The following SLC25A26 variants were observed in gnomAD, a reference collection of about 807,000 sequenced individuals.
SLC25A26 encodes solute carrier family 25 member 26, also known as mitochondrial S-adenosylmethionine carrier protein.
Under a neutral mutation model 37.8 loss-of-function variants are expected in SLC25A26, and 36 were observed. The observed-to-expected ratio is 0.95, with a 90% CI of 0.73 to 1.26. SLC25A26 has a LOEUF of 1.26. SLC25A26 is among the 50% of genes most tolerant of loss of function. The pLI is 0.00. For synonymous variants in SLC25A26, 129 were observed against 122.5 expected (o/e 1.05, Z -0.35); for missense variants, 390 against 331.1 (o/e 1.18, Z -1.38).
At chr3:66,202,663 C>G (rs1025031103) in intron 1 of SLC25A26, among the ~76,000 whole-genome samples, 2 of 151,916 alleles carry the variant, frequency 1.3e-5, no homozygotes, top group African/African-American at 2.4e-5. Flanking sequence ...TCCCACACAT[C>G]TTGGAATAAT....
At chr3:66,178,340 G>T (rs184570154) in intron 1 of SLC25A26, among the ~76,000 whole-genome samples, 1 of 152,278 alleles carries the variant, frequency 6.6e-6, no homozygotes, top group Admixed American at 6.5e-5. Context: ...GTGTGGGGAA[G>T]TCAGTGCCCT....
chr3:66,279,833 C>T (rs1044533979), intron 5 of SLC25A26, among the ~76,000 whole-genome samples: 1 of 152,154 alleles, frequency 6.6e-6, no homozygotes, highest in African/African-American at 2.4e-5. Context: ...TATTGTAAGT[C>T]TTTCCTATTA....
At chr3:66,160,520 C>T (rs1372860006) in intron 1 of SLC25A26, among the ~76,000 whole-genome samples, 1 of 152,200 alleles carries the variant, frequency 6.6e-6, no homozygotes, top group Admixed American at 6.5e-5. Context: ...TGCATCTATT[C>T]CCAATACACC....
At chr3:66,369,847 C>A (rs1700253162) in intron 8 of SLC25A26, among the ~76,000 whole-genome samples, 1 of 152,220 alleles carries the variant, frequency 6.6e-6, no homozygotes, top group African/African-American at 2.4e-5. Flanking sequence ...TGACGAGCCT[C>A]CTGCTATGTG....
intron 1 of SLC25A26, among the ~76,000 whole-genome samples, chr3:66,178,812 T>C (rs1576615580): frequency 6.6e-6 from 1 of 152,166 alleles, no homozygotes; most frequent in African/African-American, 2.4e-5. Context: ...TTCAAGAAAG[T>C]ATAATGCAGA....
intron 5 of SLC25A26, among the ~76,000 whole-genome samples, chr3:66,295,049 A>T (rs2074851362): frequency 1.3e-5 from 2 of 152,252 alleles, no homozygotes; most frequent in South Asian, 4.1e-4. Flanking sequence ...GGTTGGATAC[A>T]GAATAAAAAA....
chr3:66,279,355 AC>A lies in SLC25A26; in HGVS notation c.453+15978del, dbSNP rs1433343019. Among the ~76,000 whole-genome samples the A allele has an allele frequency of 6.6e-5, 10 of 152,250 alleles. No homozygotes were observed. The South Asian group carries it at 1.4e-3, about 22-fold the overall frequency. ...AAGGCCGCATAGCATAGTGGTTCAG[AC>A]CAGGGCTTTGTGGTCAGGCAGCCCA... On this transcript the variant is annotated intron_variant, in intron 5 of 9. Coordinates refer to ENST00000354883, the MANE Select transcript of SLC25A26 (RefSeq NM_001379210.1).
chr3:66,134,834 T>TA (rs1225209690), intron 1 of SLC25A26, among the ~76,000 whole-genome samples: 2 of 151,926 alleles, frequency 1.3e-5, no homozygotes, highest in Non-Finnish European at 2.9e-5. Context: ...CCTTTATTTT[T>TA]TTTTTTATTT....
rs2072120008 is a variant in SLC25A26 at position 66,233,312 on chromosome 3, A to G, written c.34-3232A>G. Among the ~76,000 whole-genome samples, 3 of 152,308 alleles carry G rather than the reference A, an allele frequency of 2.0e-5. No individual in the cohort carries two copies. The South Asian group carries it at 6.2e-4, about 32-fold the overall frequency. ...TTATTAACTTAAGGTAGAGACATGT[A>G]TTTTATCTATAAGATATTGAGGTCT... is the stretch of plus-strand genomic sequence containing the variant. On this transcript the variant is annotated intron_variant, in intron 1 of 9. Coordinates refer to ENST00000354883, the MANE Select transcript of SLC25A26 (RefSeq NM_001379210.1).
In SLC25A26 at chr3:66,206,915, T is replaced by A. The variant is rs1240738376; in HGVS notation, c.-353-13827T>A. ...CTTTCTTTTTTTTTTTTTTTTTTTTTAACACGGAGTTTTGCCATGTTGCCT... is the reference window on the plus strand; with the variant it reads ...CTTTCTTTTTTTTTTTTTTTTTTTTAAACACGGAGTTTTGCCATGTTGCCT... On this transcript the variant is annotated intron_variant, in intron 1 of 10. Coordinates refer to the SLC25A26 transcript ENST00000676754. Among the ~76,000 whole-genome samples, 8 of 146,204 alleles carry A rather than the reference T, an allele frequency of 5.5e-5. 1 individual carries two copies. In the East Asian group the frequency reaches 5.9e-4, roughly 11 times the overall value.
At chr3:66,198,482 C>T (rs1375130031) in intron 1 of SLC25A26, among the ~76,000 whole-genome samples, 1 of 151,976 alleles carries the variant, frequency 6.6e-6, no homozygotes, top group Non-Finnish European at 1.5e-5. Context: ...TAGAATTTTG[C>T]CCTCATGCTG....
chr3:66,152,093 GT>G (rs1290075345), intron 1 of SLC25A26, among the ~76,000 whole-genome samples: 1 of 152,174 alleles, frequency 6.6e-6, no homozygotes, highest in East Asian at 1.9e-4. Flanking sequence ...ACCTAGCCCA[GT>G]GCTTGAGAGA....
In SLC25A26 at chr3:66,352,428, G is replaced by GTTTTTTT. The variant is rs1242977476; in HGVS notation, c.498+6026_498+6027insTTTTTTT. Among the ~76,000 whole-genome samples, 152 of 126,570 alleles carry GTTTTTTT rather than the reference G, an allele frequency of 1.2e-3. 3 individuals are homozygous for GTTTTTTT. The highest frequency in any genetic ancestry group is 5.1e-3 in the African/African-American group (147 of 29,032). 83.0% of individuals were successfully genotyped at this position (126,570 alleles called of 152,430 possible). A position where few individuals can be genotyped will look rare whatever the true frequency, so the allele number is the denominator to read the frequency against. ...TGCCTAGCGCCTCCCCTCGTTTTTT[G>GTTTTTTT]TTTTTTGTTTTTTGTTTTTTTTTTT... On this transcript the variant is annotated intron_variant, in intron 6 of 9. Coordinates refer to ENST00000354883, the MANE Select transcript of SLC25A26 (RefSeq NM_001379210.1).
At chr3:66,152,634 G>A (rs76563499) in intron 1 of SLC25A26, among the ~76,000 whole-genome samples, 13,943 of 150,750 alleles carry the variant, frequency 0.092, 823 homozygotes, top group Middle Eastern at 0.17. Context: ...TCCCCCAGCC[G>A]TCAAGAAAAG....
intron 5 of SLC25A26, among the ~76,000 whole-genome samples, chr3:66,334,897 T>G (rs1469243103): frequency 2.0e-5 from 3 of 152,190 alleles, no homozygotes; most frequent in African/African-American, 4.8e-5. Flanking sequence ...TTTAATTTCT[T>G]GTTTCTCCTT....
Position 66,319,442 on chromosome 3 carries a change from G to A in SLC25A26, c.454-26922G>A, listed in dbSNP as rs565984560. On this transcript the variant is annotated intron_variant, in intron 5 of 9. Coordinates refer to ENST00000354883, the MANE Select transcript of SLC25A26 (RefSeq NM_001379210.1). Reference sequence around the variant, plus strand: ...TAAAAAACTTCGCGCGCTTTTATTAGGAGGTTTATTTTTCTTATGACTGGG... The same window carrying A: ...TAAAAAACTTCGCGCGCTTTTATTAAGAGGTTTATTTTTCTTATGACTGGG... Among the ~76,000 whole-genome samples the A allele has an allele frequency of 1.3e-3, 196 of 152,096 alleles. 3 individuals are homozygous for A. Among genetic ancestry groups the A allele is most frequent in the Non-Finnish European group, 1.7e-3 (116 of 67,990 alleles).
chr3:66,270,954 T>C (rs2073936188), intron 5 of SLC25A26, among the ~76,000 whole-genome samples: 1 of 152,210 alleles, frequency 6.6e-6, no homozygotes, highest in Admixed American at 6.5e-5. Context: ...ATGCTACATA[T>C]TTCCATTGTT....
At chr3:66,293,674 G>T (rs2074793804) in intron 5 of SLC25A26, among the ~76,000 whole-genome samples, 1 of 152,110 alleles carries the variant, frequency 6.6e-6, no homozygotes, top group Non-Finnish European at 1.5e-5. Context: ...GTTTGCAAAG[G>T]ATAATGGCCT....
intron 1 of SLC25A26, among the ~76,000 whole-genome samples, chr3:66,194,913 A>G (rs1292402668): frequency 6.6e-6 from 1 of 152,146 alleles, no homozygotes; most frequent in African/African-American, 2.4e-5. Context: ...AAACTTGCTT[A>G]AAGGAACGGG....
Sources: gnomAD v4.1 joint callset for allele counts (sites outside exome capture counted in the v4.1 genomes callset) on GRCh38, gnomAD v4.1.1 for gene constraint, MANE v1.5 for transcripts, NCBI Gene and HGNC (gene_info 2026-07-23, HGNC 2026-07-21) for gene names.